ZSCAN21: variants seen among roughly 807,000 people sequenced by gnomAD.
ZSCAN21 encodes zinc finger and SCAN domain containing 21, also known as zinc finger and SCAN domain-containing protein 21.
Under a neutral mutation model 35.6 loss-of-function variants are expected in ZSCAN21, and 26 were observed. The ratio of observed to expected loss-of-function variants is 0.73; its 90% confidence interval spans 0.54 to 1.01. The LOEUF (loss-of-function observed/expected upper bound fraction) is 1.01, where lower values mean the gene tolerates loss of function less well. Among genes scored for constraint, ZSCAN21 ranks in the 50% least tolerant of loss-of-function variants. The probability of loss-of-function intolerance (pLI) is 0.00; values close to 1 mark genes in which losing one functional copy is unlikely to be tolerated. For missense variants in ZSCAN21, 593 were observed against 587.1 expected (o/e 1.01, Z -0.10); for synonymous variants, 219 against 219.3 (o/e 1.00, Z 0.01).
chr7:100,054,502 G>C (rs535978939), intron 1 of ZSCAN21, among the ~76,000 whole-genome samples: 3 of 151,834 alleles, frequency 2.0e-5, no homozygotes, highest in African/African-American at 7.3e-5. Flanking sequence ...CACCTGCCTC[G>C]GTCTCCCAAA....
At chr7:100,053,424 A>G (rs550013304) in intron 1 of ZSCAN21, among the ~76,000 whole-genome samples, 12 of 151,912 alleles carry the variant, frequency 7.9e-5, no homozygotes, top group South Asian at 6.2e-4. Flanking sequence ...AGCCCAAACA[A>G]TGGTTTCTTT....
chr7:100,058,720 G>T (rs1411640996), intron 3 of ZSCAN21, among the ~76,000 whole-genome samples: 1 of 152,216 alleles, frequency 6.6e-6, no homozygotes, highest in Admixed American at 6.5e-5. Context: ...GTTTTTGTGT[G>T]TTTTTCTGAG....
intron 1 of ZSCAN21, among the ~76,000 whole-genome samples, chr7:100,052,379 T>C (rs1013364698): frequency 3.2e-4 from 48 of 151,798 alleles, no homozygotes; most frequent in African/African-American, 1.1e-3. Flanking sequence ...CCGTGAGCTG[T>C]GATTGTGCCA....
chr7:100,051,620 G>GAGTGTGAA (rs1432578938), intron 1 of ZSCAN21: 3 of 151,994 alleles, frequency 2.0e-5, no homozygotes, highest in Non-Finnish European at 4.4e-5. Flanking sequence ...GGTACGGACT[G>GAGTGTGAA]AGTGTGAAGC....
Position 100,057,813 on chromosome 7 carries a change from A to G in ZSCAN21, c.515A>G (p.Tyr172Cys). ...QPQPLETSHK[Y>C]ESWGPLYIQE... ...CAGCCCTTGGAGACCAGTCACAAAT[A>G]CGAGTCTTGGGGGCCCCTGTACATC... Residue 172 changes from tyrosine (Y) to cysteine (C), a missense_variant, in exon 3 of 4, where the codon TAC (tyrosine) becomes TGC (cysteine). Physicochemically the swap from Tyr to Cys is radical, Grantham distance 194 (BLOSUM62 -2). Coordinates refer to ENST00000292450, the MANE Select transcript of ZSCAN21 (RefSeq NM_145914.3). 1 of 1,614,070 alleles carries G rather than the reference A, an allele frequency of 6.2e-7. No homozygotes were observed. Among genetic ancestry groups the G allele is most frequent in the Non-Finnish European group, 8.5e-7 (1 of 1,179,984 alleles).
At position 100,063,953 on chromosome 7, in the gene ZSCAN21, C is replaced by A. The variant is rs755323552; in HGVS notation, c.758C>A (p.Pro253His). 6.2e-7 allele frequency: 1 copy of A among 1,614,058 alleles called. No individual in the cohort carries two copies. ...NLENEKGTKPPLQEAGSKKGR... is the reference protein window; with the variant it reads ...NLENEKGTKPHLQEAGSKKGR... The stretch of plus-strand genomic sequence containing the variant: ...GAAAATGAAAAAGGAACAAAACCCC[C>A]TCTTCAAGAGGCAGGCTCCAAGAAA... Residue 253 changes from proline (P) to histidine (H), a missense_variant, in exon 4 of 4, where the codon CCT becomes CAT. Physicochemically the swap from Pro to His is moderately conservative, Grantham distance 77 (BLOSUM62 -2). Transcript: ENST00000292450.
chr7:100,052,854 C>T (rs1457761949), intron 1 of ZSCAN21, among the ~76,000 whole-genome samples: 3 of 152,004 alleles, frequency 2.0e-5, no homozygotes, highest in South Asian at 2.1e-4. Flanking sequence ...TACCACCGGG[C>T]GTGGTGGCTC....
At chr7:100,060,814 C>G (rs766430889) in intron 3 of ZSCAN21, among the ~76,000 whole-genome samples, 1 of 147,638 alleles carries the variant, frequency 6.8e-6, no homozygotes, top group Non-Finnish European at 1.5e-5. Flanking sequence ...AAGTCAAGAT[C>G]GCGCCACTGC....
At chr7:100,056,221 G>A (rs143699260) in intron 1 of ZSCAN21, among the ~76,000 whole-genome samples, 78 of 152,020 alleles carry the variant, frequency 5.1e-4, no homozygotes, top group Middle Eastern at 3.4e-3. Flanking sequence ...GATTACAGGC[G>A]TGAGCCACCA....
chr7:100,064,046 A>G lies in ZSCAN21; in HGVS notation c.851A>G (p.Lys284Arg), dbSNP rs752087213. ...ERRYICAECG[K>R]AFSNSSNLTK... Reference sequence around the variant, plus strand: ...CGTTATATATGTGCTGAATGTGGCAAAGCCTTTAGTAATAGCTCAAATCTC... The same window carrying G: ...CGTTATATATGTGCTGAATGTGGCAGAGCCTTTAGTAATAGCTCAAATCTC... Residue 284 changes from lysine (K) to arginine (R), a missense_variant, in exon 4 of 4, where the codon AAA (lysine) becomes AGA (arginine). Physicochemically the swap from Lys to Arg is conservative, Grantham distance 26. Coordinates refer to ENST00000292450, the MANE Select transcript of ZSCAN21 (RefSeq NM_145914.3). 2.5e-6 allele frequency: 4 copies of G among 1,614,152 alleles called. No individual in the cohort carries two copies. The Middle Eastern group carries it at 6.6e-4, about 266-fold the overall frequency.
chr7:100,053,107 C>T (rs896937217), intron 1 of ZSCAN21, among the ~76,000 whole-genome samples: 3 of 145,266 alleles, frequency 2.1e-5, no homozygotes, highest in Non-Finnish European at 4.5e-5. Flanking sequence ...GCCTGGGCAA[C>T]GGAGTGAGAC....
Position 100,063,854 on chromosome 7 carries a change from T to C in ZSCAN21, c.659T>C (p.Leu220Pro), listed in dbSNP as rs1792475740. ...DEQKGSEAEG[L>P]KGDIISVIIA... ...CAGAAAGGTTCTGAAGCAGAGGGGC[T>C]CAAAGGGGATATAATTTCTGTGATT... Residue 220 changes from leucine to proline, a missense_variant, in exon 4 of 4, where the codon CTC (leucine) becomes CCC (proline). Coordinates refer to ENST00000292450, the MANE Select transcript of ZSCAN21 (RefSeq NM_145914.3). 2 of 1,614,046 alleles carry C rather than the reference T, an allele frequency of 1.2e-6. No individual in the cohort carries two copies. Among genetic ancestry groups the C allele is most frequent in the Non-Finnish European group, 1.7e-6 (2 of 1,180,016 alleles).
chr7:100,051,506 G>A (rs560309789), intron 1 of ZSCAN21: 2 of 151,778 alleles, frequency 1.3e-5, no homozygotes, highest in Admixed American at 6.6e-5. Flanking sequence ...GTGTTAGCCA[G>A]AATGGTCTCG....
At chr7:100,059,628 G>A (rs1049434835) in intron 3 of ZSCAN21, among the ~76,000 whole-genome samples, 1 of 145,098 alleles carries the variant, frequency 6.9e-6, no homozygotes, top group Non-Finnish European at 1.5e-5. Flanking sequence ...TCTCGGCTCA[G>A]TGCAACCTCT....
chr7:100,056,838 G>GT, intron 1 of ZSCAN21, 73 bp from the exon 2 acceptor site: 1 of 648,578 alleles, frequency 1.5e-6, no homozygotes, highest in Non-Finnish European at 2.6e-6. Flanking sequence ...AATTTCTTGT[G>GT]TTAAAGGTAT....
intron 1 of ZSCAN21, among the ~76,000 whole-genome samples, chr7:100,050,385 C>G (rs1299574709): frequency 6.6e-6 from 1 of 152,150 alleles, no homozygotes; most frequent in Non-Finnish European, 1.5e-5. Context: ...TCTTAAAGAA[C>G]CATGTATAAA....
rs763790248 is a variant in ZSCAN21 at position 100,064,530 on chromosome 7, G to A, written c.1335G>A (p.Trp445Ter). 21 of 1,614,152 alleles carry A rather than the reference G, an allele frequency of 1.3e-5. No homozygotes were observed. In the South Asian group the frequency reaches 2.3e-4, roughly 18 times the overall value. ...TCCACACCGGGGAAAAGCCCTACTG[G>A]TGTCATCACTGTGGAAAGACCTTCT... ...HRIHTGEKPY[W>*]CHHCGKTFCS... The change falls in exon 4 of 4, where the codon TGG (tryptophan) becomes TGA (stop). Residue 445 changes from tryptophan to a stop codon, truncating the protein, a stop_gained. Transcript: ENST00000292450. LOFTEE classifies it high-confidence loss of function.
rs1327950781 is a variant in ZSCAN21 at position 100,064,280 on chromosome 7, G to A, written c.1085G>A (p.Cys362Tyr). ...CACACAGAAGAGGCGCCATATCAGT[G>A]CAAAGATTGTGGCAAGGCTTTCAGC... The part of the protein sequence containing the change: ...RMHTEEAPYQ[C>Y]KDCGKAFSGK... Residue 362 changes from cysteine to tyrosine, a missense_variant, in exon 4 of 4, where the codon TGC (cysteine) becomes TAC (tyrosine). Physicochemically the swap from Cys to Tyr is radical, Grantham distance 194. Coordinates refer to ENST00000292450, the MANE Select transcript of ZSCAN21 (RefSeq NM_145914.3). 1.2e-6 allele frequency: 2 copies of A among 1,614,038 alleles called. No homozygotes were observed. The highest frequency in any genetic ancestry group is 2.2e-5 in the South Asian group (2 of 91,080).
At chr7:100,052,611 A>G (rs961341449) in intron 1 of ZSCAN21, among the ~76,000 whole-genome samples, 1 of 152,066 alleles carries the variant, frequency 6.6e-6, no homozygotes, top group Non-Finnish European at 1.5e-5. Context: ...CTGGACATCC[A>G]GGTGGTAATG....
Sources: gnomAD v4.1 joint callset for allele counts (sites outside exome capture counted in the v4.1 genomes callset) on GRCh38, gnomAD v4.1.1 for gene constraint, MANE v1.5 for transcripts, NCBI Gene and HGNC (gene_info 2026-07-23, HGNC 2026-07-21) for gene names.